Variants in REEP5 observed in about 807,000 individuals in gnomAD.
REEP5 encodes receptor accessory protein 5.
In REEP5, 24 loss-of-function variants were observed where a neutral mutation model predicts 22.4. The observed-to-expected ratio is 1.07, with a 90% CI of 0.78 to 1.51. The LOEUF is 1.51. Ranked by LOEUF, REEP5 falls within the 40% of genes most tolerant of loss-of-function variation. The pLI is 0.00. For synonymous variants in REEP5, 103 were observed against 88.6 expected (o/e 1.16, Z -0.92); for missense variants, 252 against 233.0 (o/e 1.08, Z -0.53).
intron 4 of REEP5, among the ~76,000 whole-genome samples, chr5:112,884,540 G>C (rs1768173309): frequency 6.6e-6 from 1 of 152,076 alleles, no homozygotes; most frequent in South Asian, 2.1e-4. Flanking sequence ...ACAACGTCCG[G>C]CTAATTTTTA....
chr5:112,892,354 C>G (rs1355988311), intron 3 of REEP5: 1 of 1,614,082 alleles, frequency 6.2e-7, no homozygotes. Context: ...AGAAACCTAC[C>G]AACAGTTCCT....
chr5:112,883,833 G>A (rs1212533133), intron 4 of REEP5, among the ~76,000 whole-genome samples: 3 of 151,978 alleles, frequency 2.0e-5, no homozygotes, highest in Non-Finnish European at 2.9e-5. Context: ...GTCTTCTCCA[G>A]CTCAGTGGCA....
chr5:112,882,810 A>T (rs1464555223), intron 4 of REEP5, among the ~76,000 whole-genome samples: 3 of 152,206 alleles, frequency 2.0e-5, no homozygotes, highest in African/African-American at 7.2e-5. Context: ...CAACTATTTC[A>T]TACCTTCTCT....
At chr5:112,912,389 T>C (rs903364658) in intron 2 of REEP5, among the ~76,000 whole-genome samples, 1 of 152,188 alleles carries the variant, frequency 6.6e-6, no homozygotes, top group Non-Finnish European at 1.5e-5. Flanking sequence ...CAATATCAAC[T>C]ATTTACCAGA....
chr5:112,900,563 G>A (rs1243106986), intron 3 of REEP5, among the ~76,000 whole-genome samples: 1 of 152,154 alleles, frequency 6.6e-6, no homozygotes, highest in Non-Finnish European at 1.5e-5. Context: ...CTATAACCCA[G>A]GATCACTTCC....
intron 1 of REEP5, chr5:112,921,574 C>T (rs1016361637): frequency 2.5e-6 from 1 of 405,068 alleles, no homozygotes; most frequent in South Asian, 2.4e-5. Flanking sequence ...GCCTGCTGGG[C>T]AGCGCTCCAG....
intron 2 of REEP5, among the ~76,000 whole-genome samples, chr5:112,913,858 G>C (rs1769173122): frequency 6.6e-6 from 1 of 152,084 alleles, no homozygotes; most frequent in South Asian, 2.1e-4. Context: ...CACCCTAGCA[G>C]CTTAGTCTCT....
intron 2 of REEP5, among the ~76,000 whole-genome samples, chr5:112,917,238 C>T (rs1245612849): frequency 1.3e-5 from 2 of 152,230 alleles, no homozygotes; most frequent in Non-Finnish European, 2.9e-5. Flanking sequence ...TTTAATCTTT[C>T]TAACATTGGC....
In REEP5 at chr5:112,877,806, C is replaced by CTGGT. The variant is rs895628310; in HGVS notation, c.*976_*979dup. 1 of 152,138 alleles carries CTGGT rather than the reference C, an allele frequency of 6.6e-6. No individual in the cohort carries two copies. Among genetic ancestry groups the CTGGT allele is most frequent in the African/African-American group, 2.4e-5 (1 of 41,414 alleles). 9.4% of individuals were successfully genotyped at this position (152,138 alleles called of 1,614,324 possible). ...GACAAATCTTCAGAAGTTCCTTAAA[C>CTGGT]TGGTTTAAAAAAGAAGATTGGGAAA... On this transcript the variant is annotated 3_prime_UTR_variant, in exon 5 of 5. Transcript: ENST00000379638.
chr5:112,889,628 T>TTTAAATATTTAA (rs1768370335), intron 3 of REEP5, among the ~76,000 whole-genome samples: 1 of 150,556 alleles, frequency 6.6e-6, no homozygotes, highest in African/African-American at 2.5e-5. Flanking sequence ...AATATTTAAA[T>TTTAAATATTTAA]GTAAGTCAGA....
intron 2 of REEP5, among the ~76,000 whole-genome samples, 177 bp downstream of exon 2, chr5:112,920,986 G>A (rs1769343695): frequency 1.3e-5 from 2 of 152,166 alleles, no homozygotes; most frequent in African/African-American, 4.8e-5. Context: ...AAGAGATAGG[G>A]ATTAAGTTAA....
Position 112,887,123 on chromosome 5 carries a change from T to C in REEP5, c.412A>G (p.Lys138Glu), listed in dbSNP as rs1768277757. Residue 138 changes from lysine to glutamate, a missense_variant, in exon 4 of 5, where the codon AAG (lysine) becomes GAG (glutamate). Physicochemically the swap from Lys to Glu is moderately conservative, Grantham distance 56. Transcript: ENST00000379638. ...SPSNGAELLY[K>E]RIIRPFFLKH... is the part of the protein sequence containing the mutation. ...AGGAAGAAAGGACGGATGATGCGCTTGTAGAGCAGTTCAGCCCCATTAGAA... is the reference window on the plus strand; with the variant it reads ...AGGAAGAAAGGACGGATGATGCGCTCGTAGAGCAGTTCAGCCCCATTAGAA... 2 of 1,613,542 alleles carry C rather than the reference T, an allele frequency of 1.2e-6. No individual in the cohort carries two copies. Among genetic ancestry groups the C allele is most frequent in the Non-Finnish European group, 8.5e-7 (1 of 1,179,914 alleles).
At chr5:112,909,809 G>A (rs979994339) in intron 2 of REEP5, among the ~76,000 whole-genome samples, 3 of 152,156 alleles carry the variant, frequency 2.0e-5, no homozygotes, top group African/African-American at 7.2e-5. Context: ...CAAGAACCAA[G>A]GATGGCCAAA....
At chr5:112,913,826 C>T (rs1176645378) in intron 2 of REEP5, among the ~76,000 whole-genome samples, 1 of 152,022 alleles carries the variant, frequency 6.6e-6, no homozygotes, top group African/African-American at 2.4e-5. Flanking sequence ...CCTTGATTTC[C>T]ACATCTGTTA....
At chr5:112,879,330 G>GCA (rs1767996124) in intron 4 of REEP5, among the ~76,000 whole-genome samples, 1 of 151,046 alleles carries the variant, frequency 6.6e-6, no homozygotes, top group Admixed American at 6.6e-5. Context: ...GTGTTTGGGG[G>GCA]GGGGGGCTGG....
At chr5:112,891,644 C>G in intron 3 of REEP5, 1 of 1,605,312 alleles carries the variant, frequency 6.2e-7, no homozygotes, top group Non-Finnish European at 8.5e-7. Flanking sequence ...GGCAAGATGG[C>G]TGCACTTGAG....
chr5:112,884,692 T>C (rs780297671), intron 4 of REEP5, among the ~76,000 whole-genome samples: 20 of 151,784 alleles, frequency 1.3e-4, no homozygotes, highest in Non-Finnish European at 2.4e-4. Flanking sequence ...ATTCCTTTAC[T>C]ACTATTGAGT....
At chr5:112,884,320 C>T (rs1032212564) in intron 4 of REEP5, among the ~76,000 whole-genome samples, 7 of 152,282 alleles carry the variant, frequency 4.6e-5, no homozygotes, top group African/African-American at 1.7e-4. Flanking sequence ...CTCCCACCTC[C>T]GGACTTCTGT....
In REEP5 at chr5:112,877,432, G is replaced by A. The variant is rs988994962; in HGVS notation, c.*1354C>T. 6 of 152,072 alleles carry A rather than the reference G, an allele frequency of 3.9e-5. No homozygotes were observed. The highest frequency in any genetic ancestry group is 1.4e-4 in the African/African-American group (6 of 41,402). The allele number at this position is 152,072 out of a possible 1,614,324, so 9.4% of individuals were successfully genotyped here. A position where few individuals can be genotyped will look rare whatever the true frequency, so the allele number is the denominator to read the frequency against. ...TGTAAAACTCAGATTTTCTAGTCCA[G>A]ACAAATTGCTCTCTATAACGATTTG... On this transcript the variant is annotated 3_prime_UTR_variant, in exon 5 of 5. Transcript: ENST00000379638.
Sources: gnomAD v4.1 joint callset for allele counts (sites outside exome capture counted in the v4.1 genomes callset) on GRCh38, gnomAD v4.1.1 for gene constraint, MANE v1.5 for transcripts, NCBI Gene and HGNC (gene_info 2026-07-23, HGNC 2026-07-21) for gene names.